The following PRKN variants were observed in gnomAD, a reference collection of about 807,000 sequenced individuals.
The protein encoded by PRKN is E3 ubiquitin-protein ligase parkin.
A neutral mutation model predicts 59.5 loss-of-function variants in PRKN; 56 were observed. The observed-to-expected ratio is 0.94, with a 90% CI of 0.76 to 1.18. The LOEUF (loss-of-function observed/expected upper bound fraction) is 1.18, where lower values mean the gene tolerates loss of function less well. PRKN is among the 50% of genes most tolerant of loss of function. PRKN has a pLI of 0.00. For synonymous variants in PRKN, 250 were observed against 222.1 expected (o/e 1.13, Z -1.12); for missense variants, 657 against 596.4 (o/e 1.10, Z -1.06).
chr6:162,597,376 G>A (rs1026412844), intron 1 of PRKN, among the ~76,000 whole-genome samples: 1 of 152,100 alleles, frequency 6.6e-6, no homozygotes, highest in Non-Finnish European at 1.5e-5. Context: ...ATTTTACGAG[G>A]TGGAATTAAA....
intron 1 of PRKN, among the ~76,000 whole-genome samples, chr6:162,469,506 G>GTATA (rs1341938432): frequency 7.4e-6 from 1 of 134,924 alleles, no homozygotes; most frequent in East Asian, 2.0e-4. Flanking sequence ...GTGTGTGTGT[G>GTATA]TATACACACA....
At chr6:162,145,834 G>C (rs144975547) in intron 4 of PRKN, among the ~76,000 whole-genome samples, 73 of 152,182 alleles carry the variant, frequency 4.8e-4, no homozygotes, top group Admixed American at 2.5e-3. Flanking sequence ...TCTGATGGGC[G>C]GCGAAAAGCA....
chr6:161,884,578 C>T (rs73785455), intron 6 of PRKN, among the ~76,000 whole-genome samples: 4,793 of 152,230 alleles, frequency 0.031, 270 homozygotes, highest in African/African-American at 0.11. Flanking sequence ...TGTGAGATTA[C>T]GATACGAATG....
intron 6 of PRKN, among the ~76,000 whole-genome samples, chr6:161,899,016 C>T (rs1777775594): frequency 6.6e-6 from 1 of 152,210 alleles, no homozygotes; most frequent in Non-Finnish European, 1.5e-5. Context: ...GGCTCCTCTG[C>T]CCAAAGCATC....
chr6:162,164,322 C>A (rs1432475921), intron 4 of PRKN, among the ~76,000 whole-genome samples: 1 of 148,768 alleles, frequency 6.7e-6, no homozygotes, highest in Non-Finnish European at 1.5e-5. Context: ...CCATCTCCTG[C>A]CTCAGCCTCC....
At chr6:161,569,465 GGTTATAT>G in intron 7 of PRKN, 49 bp from the exon 8 acceptor site, 1 of 1,480,998 alleles carries the variant, frequency 6.8e-7, no homozygotes, top group South Asian at 1.1e-5. Flanking sequence ...CACTCTGTGT[GGTTATAT>G]GTTCTTACAC....
chr6:161,796,080 A>G (rs1256134075), intron 6 of PRKN, among the ~76,000 whole-genome samples: 4 of 152,200 alleles, frequency 2.6e-5, no homozygotes. Context: ...ATTGTTTACA[A>G]CATTTTGAGC....
At chr6:161,771,042 T>C (rs1323836907) in intron 7 of PRKN, among the ~76,000 whole-genome samples, 1 of 152,150 alleles carries the variant, frequency 6.6e-6, no homozygotes, top group East Asian at 1.9e-4. Context: ...TATTTTGTAA[T>C]AGAAGCCTGG....
At chr6:162,176,212 A>C (rs1583154374) in intron 4 of PRKN, among the ~76,000 whole-genome samples, 2 of 152,320 alleles carry the variant, frequency 1.3e-5, no homozygotes, top group Middle Eastern at 6.8e-3. Context: ...TAATCTAATA[A>C]AGAATAAACA....
rs1790718142 is a variant in PRKN at position 161,470,232 on chromosome 6, T to C, written c.1083+78622A>G. On this transcript the variant is annotated intron_variant, in intron 9 of 11. Coordinates refer to ENST00000366898, the MANE Select transcript of PRKN (RefSeq NM_004562.3). This position sits in a 1 kb window ranked among gnomAD's most constrained non-coding sequence, Gnocchi z 5.1. Reference sequence around the variant, plus strand: ...AGTCTATGCCACATAATTTTTGTGTTTGATTATATGCTTTAGTTATATTAC... The same window carrying C: ...AGTCTATGCCACATAATTTTTGTGTCTGATTATATGCTTTAGTTATATTAC... Among the ~76,000 whole-genome samples, 1 of 152,192 alleles carries C rather than the reference T, an allele frequency of 6.6e-6. No homozygotes were observed. Among genetic ancestry groups the C allele is most frequent in the Non-Finnish European group, 1.5e-5 (1 of 68,024 alleles).
Position 161,618,103 on chromosome 6 carries a change from T to C in PRKN, c.872-48687A>G, listed in dbSNP as rs150010047. Among the ~76,000 whole-genome samples the C allele has an allele frequency of 7.7e-4, 118 of 152,352 alleles. 2 individuals carry two copies. Among genetic ancestry groups the C allele is most frequent in the African/African-American group, 2.8e-3 (116 of 41,590 alleles). On this transcript the variant is annotated intron_variant, in intron 7 of 11. Coordinates refer to ENST00000366898, the MANE Select transcript of PRKN (RefSeq NM_004562.3). The stretch of plus-strand genomic sequence containing the variant: ...TACTCTGTGTTCATGACAATTTGCT[T>C]AATCAATGTTACTTTGGATTTACTA...
chr6:162,371,488 T>C (rs1156367258), intron 2 of PRKN, among the ~76,000 whole-genome samples: 2 of 152,158 alleles, frequency 1.3e-5, no homozygotes, highest in Non-Finnish European at 2.9e-5. Flanking sequence ...CACTTTCTAC[T>C]GGGGTGACCC....
In PRKN at chr6:161,561,029, T is replaced by C. The variant is rs776842539; in HGVS notation, c.933+8326A>G. Among the ~76,000 whole-genome samples, 9 of 152,198 alleles carry C rather than the reference T, an allele frequency of 5.9e-5. No homozygotes were observed. Among genetic ancestry groups the C allele is most frequent in the Non-Finnish European group, 1.2e-4 (8 of 68,030 alleles). On this transcript the variant is annotated intron_variant, in intron 8 of 11. Coordinates refer to ENST00000366898, the MANE Select transcript of PRKN (RefSeq NM_004562.3). This position sits in a 1 kb window ranked among gnomAD's most constrained non-coding sequence, Gnocchi z 5.0. ...GGCACGATGACTTTCTCTTAAATAA[T>C]GGACCACAAACTTCAAATGGGCATT...
At chr6:162,662,055 T>TTA (rs1212217064) in intron 1 of PRKN, among the ~76,000 whole-genome samples, 2 of 152,150 alleles carry the variant, frequency 1.3e-5, no homozygotes, top group African/African-American at 4.8e-5. Context: ...ACATGCAAGC[T>TTA]TATATATATC....
Position 161,500,482 on chromosome 6 carries a change from G to C in PRKN, c.1083+48372C>G, listed in dbSNP as rs74949848. Among the ~76,000 whole-genome samples, 512 of 152,254 alleles carry C rather than the reference G, an allele frequency of 3.4e-3. 3 individuals carry two copies. Among genetic ancestry groups the C allele is most frequent in the African/African-American group, 0.012 (491 of 41,554 alleles). On this transcript the variant is annotated intron_variant, in intron 9 of 11. Coordinates refer to ENST00000366898, the MANE Select transcript of PRKN (RefSeq NM_004562.3). ...CTCATCCTTTCCTCCCCAAACCCCTGACAATCATGGATCTTTTTACTGTGT... is the reference window on the plus strand; with the variant it reads ...CTCATCCTTTCCTCCCCAAACCCCTCACAATCATGGATCTTTTTACTGTGT...
chr6:161,434,365 T>C (rs774381612), intron 9 of PRKN, among the ~76,000 whole-genome samples: 2 of 152,194 alleles, frequency 1.3e-5, no homozygotes, highest in African/African-American at 2.4e-5. Context: ...CAGGCTAACG[T>C]CTACGGTGCA....
intron 6 of PRKN, among the ~76,000 whole-genome samples, chr6:161,865,221 A>C (rs1289239206): frequency 6.6e-6 from 1 of 152,158 alleles, no homozygotes; most frequent in Non-Finnish European, 1.5e-5. Flanking sequence ...ATGGGCTTAA[A>C]ACATTGAGTA....
rs183210731 is a variant in PRKN, at chr6:162,553,647, C to T, written c.8-110174G>A. ...TTTGCTCAGGAAGTGCAATAAAAAG[C>T]GTGTGGGTAACTGGGCGTGGTGGTG... On this transcript the variant is annotated intron_variant, in intron 1 of 11. Coordinates refer to ENST00000366898, the MANE Select transcript of PRKN (RefSeq NM_004562.3). Among the ~76,000 whole-genome samples the T allele has an allele frequency of 4.3e-4, 65 of 150,414 alleles. 2 individuals carry two copies. The East Asian group carries it at 8.7e-3, about 20-fold the overall frequency.
At chr6:161,644,874 A>G (rs1230944779) in intron 7 of PRKN, among the ~76,000 whole-genome samples, 1 of 152,332 alleles carries the variant, frequency 6.6e-6, no homozygotes, top group East Asian at 1.9e-4. Flanking sequence ...CTTTTTTGTT[A>G]AAGCTAACTT....
Sources: allele counts gnomAD v4.1 joint callset (sites outside exome capture counted in the v4.1 genomes callset), GRCh38; gene constraint gnomAD v4.1.1; non-coding constraint Gnocchi (gnomAD v3.1); transcripts MANE v1.5; gene names NCBI Gene and HGNC (gene_info 2026-07-23, HGNC 2026-07-21).